The following NUP210L variants were observed in gnomAD, a reference collection of about 807,000 sequenced individuals.
NUP210L encodes the protein nuclear pore membrane glycoprotein 210-like.
In NUP210L, 74 loss-of-function variants were observed where a neutral mutation model predicts 208.5. The observed-to-expected ratio is 0.35, with a 90% confidence interval of 0.29 to 0.43. NUP210L has a LOEUF of 0.43. NUP210L is among the 20% of genes least tolerant of loss of function. The pLI is 1.00. For missense variants in NUP210L, 1,843 were observed against 2,289.4 expected, an observed-to-expected ratio of 0.81 and a Z score of 3.98; for synonymous variants, 780 against 816.9, an observed-to-expected ratio of 0.95 and a Z score of 0.77.
chr1:154,133,075 C>T (rs1658338328), intron 7 of NUP210L, among the ~76,000 whole-genome samples: 1 of 152,188 alleles, frequency 6.6e-6, no homozygotes, highest in Non-Finnish European at 1.5e-5. Flanking sequence ...TACTCTATTA[C>T]TTCTACTATT....
chr1:154,077,621 T>C (rs1348612993), intron 16 of NUP210L, among the ~76,000 whole-genome samples: 1 of 152,132 alleles, frequency 6.6e-6, no homozygotes, highest in South Asian at 2.1e-4. Flanking sequence ...GATAATTACA[T>C]AGGTAAATAT....
chr1:154,004,766 C>T (rs1047358708), intron 35 of NUP210L, among the ~76,000 whole-genome samples: 2 of 152,116 alleles, frequency 1.3e-5, no homozygotes, highest in Non-Finnish European at 2.9e-5. Context: ...CCCACCTTGG[C>T]CTCCTGAGTA....
intron 16 of NUP210L, 105 bp downstream of exon 16, chr1:154,089,316 T>C: frequency 1.1e-6 from 1 of 898,622 alleles, no homozygotes; most frequent in South Asian, 1.8e-5. Flanking sequence ...CCATATGATC[T>C]GGCAATTCTA....
intron 16 of NUP210L, among the ~76,000 whole-genome samples, chr1:154,084,980 C>A (rs750413305): frequency 4.3e-4 from 63 of 146,112 alleles, no homozygotes; most frequent in Non-Finnish European, 7.4e-4. Flanking sequence ...GAACTCCTGA[C>A]CTTAGATGAT....
intron 28 of NUP210L, among the ~76,000 whole-genome samples, chr1:154,029,252 C>T (rs1464027636): frequency 6.6e-6 from 1 of 151,490 alleles, no homozygotes; most frequent in African/African-American, 2.4e-5. Context: ...GTGGCAGGCA[C>T]CTGTAGTCCC....
At chr1:154,047,202 T>C (rs946545808) in intron 25 of NUP210L, among the ~76,000 whole-genome samples, 10 of 152,032 alleles carry the variant, frequency 6.6e-5, no homozygotes, top group Non-Finnish European at 1.2e-4. Flanking sequence ...GCAGGGTGAC[T>C]ACAGTCAACA....
chr1:154,107,790 T>C (rs939397187), intron 12 of NUP210L, among the ~76,000 whole-genome samples: 1 of 151,766 alleles, frequency 6.6e-6, no homozygotes, highest in Non-Finnish European at 1.5e-5. Flanking sequence ...CACTTGAACC[T>C]AGGAGGTGGA....
chr1:154,038,615 G>C (rs924796872), intron 27 of NUP210L, among the ~76,000 whole-genome samples: 1 of 152,068 alleles, frequency 6.6e-6, no homozygotes, highest in Non-Finnish European at 1.5e-5. Flanking sequence ...AAAGTACTAG[G>C]GTTACAGGCG....
At chr1:154,063,616 T>C (rs747952691) in intron 17 of NUP210L, among the ~76,000 whole-genome samples, 2 of 152,178 alleles carry the variant, frequency 1.3e-5, no homozygotes, top group Admixed American at 6.6e-5. Flanking sequence ...TAATCTTAGG[T>C]CCTAAAACTG....
At chr1:154,117,949 T>A (rs1657418298) in intron 11 of NUP210L, 69 bp from the exon 12 acceptor site, 1 of 1,115,550 alleles carries the variant, frequency 9.0e-7, no homozygotes, top group South Asian at 1.4e-5. Context: ...ATGTAAAACT[T>A]GACTGGTGAA....
At chr1:154,092,254 T>A (rs1655963848) in intron 15 of NUP210L, among the ~76,000 whole-genome samples, 1 of 151,266 alleles carries the variant, frequency 6.6e-6, no homozygotes, top group African/African-American at 2.4e-5. Flanking sequence ...TTTTTTTTTT[T>A]ATTTTTAGTA....
At chr1:154,055,195 T>G (rs1365951839) in intron 23 of NUP210L, among the ~76,000 whole-genome samples, 6 of 149,618 alleles carry the variant, frequency 4.0e-5, no homozygotes, top group Non-Finnish European at 8.9e-5. Flanking sequence ...TTCTTTTTCT[T>G]TCTTTCTTTC....
At chr1:154,024,576 T>A (rs1356454756) in intron 30 of NUP210L, among the ~76,000 whole-genome samples, 1 of 152,102 alleles carries the variant, frequency 6.6e-6, no homozygotes, top group Non-Finnish European at 1.5e-5. Flanking sequence ...CAGGCTGCAG[T>A]GCAGCAGTTC....
At chr1:154,049,322 G>A (rs1046482510) in intron 25 of NUP210L, among the ~76,000 whole-genome samples, 1 of 152,122 alleles carries the variant, frequency 6.6e-6, no homozygotes, top group Non-Finnish European at 1.5e-5. Context: ...TAATTCCAGA[G>A]CAATTATATA....
intron 37 of NUP210L, among the ~76,000 whole-genome samples, chr1:153,995,428 GAA>G (rs1053886036): frequency 6.6e-5 from 10 of 152,190 alleles, no homozygotes; most frequent in African/African-American, 2.4e-4. Flanking sequence ...TAGTAAGAGA[GAA>G]GAGAGCTTCA....
intron 13 of NUP210L, among the ~76,000 whole-genome samples, chr1:154,103,671 CAAAAAAA>C (rs553564283): frequency 2.6e-5 from 1 of 37,792 alleles, no homozygotes; most frequent in African/African-American, 1.0e-4. Context: ...GACTCCGTCT[CAAAAAAA>C]AAAAAAAAAA....
chr1:153,999,425 T>C (rs1353649774), intron 37 of NUP210L, among the ~76,000 whole-genome samples: 1 of 152,186 alleles, frequency 6.6e-6, no homozygotes, highest in Non-Finnish European at 1.5e-5. Flanking sequence ...TAAATACTTT[T>C]GAAGACAACA....
At chr1:154,083,156 T>C (rs2148034150) in intron 16 of NUP210L, among the ~76,000 whole-genome samples, 1 of 152,234 alleles carries the variant, frequency 6.6e-6, no homozygotes, top group Admixed American at 6.5e-5. Flanking sequence ...GTGGCCAGCT[T>C]TTATTCCCTT....
chr1:154,141,735 A>C (rs1315649589), intron 3 of NUP210L, among the ~76,000 whole-genome samples: 2 of 152,216 alleles, frequency 1.3e-5, no homozygotes, highest in African/African-American at 4.8e-5. Context: ...GCTGTCTGAA[A>C]GTAAAAAGGG....
Sources: allele counts gnomAD v4.1 joint callset (sites outside exome capture counted in the v4.1 genomes callset), GRCh38; gene constraint gnomAD v4.1.1; transcripts MANE v1.5; gene names NCBI Gene and HGNC (gene_info 2026-07-23, HGNC 2026-07-21).